NCF4: variants seen among roughly 807,000 people sequenced by gnomAD.
The protein encoded by NCF4 is neutrophil cytosol factor 4.
NCF4 carries 30 observed loss-of-function variants against 41.7 expected under a neutral mutation model. That is an observed-to-expected ratio of 0.72 (90% confidence interval 0.54 to 0.97). NCF4 has a LOEUF of 0.97. NCF4 is among the 50% of genes least tolerant of loss of function. NCF4 has a pLI of 0.00. For synonymous variants in NCF4, 195 were observed against 175.8 expected, an observed-to-expected ratio of 1.11 and a Z score of -0.87; for missense variants, 432 against 460.9, an observed-to-expected ratio of 0.94 and a Z score of 0.57.
At chr22:36,862,745 G>A (rs903724499) in intron 1 of NCF4, among the ~76,000 whole-genome samples, 7 of 152,214 alleles carry the variant, frequency 4.6e-5, no homozygotes, top group Non-Finnish European at 8.8e-5. Flanking sequence ...AGGAGAGGGC[G>A]CAGGTTCGCG....
intron 4 of NCF4, among the ~76,000 whole-genome samples, chr22:36,868,631 C>T (rs1229784043): frequency 3.3e-5 from 5 of 151,690 alleles, no homozygotes; most frequent in African/African-American, 7.3e-5. Context: ...ACCCTTCTCC[C>T]CCTGGGCTAG....
rs2145705496 is a variant in NCF4, at chr22:36,865,132, C to A, written c.271+60C>A. The A allele has an allele frequency of 1.3e-6, 2 of 1,590,586 alleles. No individual in the cohort carries two copies. The highest frequency in any genetic ancestry group is 2.2e-5 in the East Asian group (1 of 44,790). ...TGCTGACTCTCCTTCCTTCCAGGGC[C>A]CCTGACACTGTTCTGTGATTTGATC... On this transcript the variant is annotated intron_variant, in intron 3 of 9. Transcript: ENST00000248899. The surrounding 1 kb of genome is among the most constrained non-coding windows in gnomAD (Gnocchi z 4.3).
chr22:36,875,827 T>A (rs771718040), intron 8 of NCF4, 44 bp downstream of exon 8: 1 of 1,613,952 alleles, frequency 6.2e-7, no homozygotes, highest in Admixed American at 1.7e-5. Flanking sequence ...CTTCCTGCCA[T>A]CCCTACGACC....
chr22:36,861,380 C>A (rs1028912501), intron 1 of NCF4, among the ~76,000 whole-genome samples, 177 bp downstream of exon 1: 2 of 152,240 alleles, frequency 1.3e-5, no homozygotes, highest in African/African-American at 4.8e-5. Context: ...TGAGCTGTGG[C>A]TCACCACCCT....
At chr22:36,873,572 T>C (rs1305458646) in intron 7 of NCF4, among the ~76,000 whole-genome samples, 1 of 151,984 alleles carries the variant, frequency 6.6e-6, no homozygotes, top group African/African-American at 2.4e-5. Context: ...GGGAGGCAGG[T>C]GTTCGGTGGC....
chr22:36,864,324 C>A (rs1422662895), intron 2 of NCF4, among the ~76,000 whole-genome samples, 195 bp downstream of exon 2: 1 of 152,190 alleles, frequency 6.6e-6, no homozygotes, highest in Non-Finnish European at 1.5e-5. Context: ...TGGGGCAGGT[C>A]TACTCCACAT....
At chr22:36,862,459 A>T (rs1939797297) in intron 1 of NCF4, among the ~76,000 whole-genome samples, 1 of 152,132 alleles carries the variant, frequency 6.6e-6, no homozygotes, top group Admixed American at 6.5e-5. Flanking sequence ...CGCAAACTCG[A>T]ATCTTCCGGA....
At chr22:36,863,402 C>T (rs941944027) in intron 1 of NCF4, among the ~76,000 whole-genome samples, 2 of 151,560 alleles carry the variant, frequency 1.3e-5, no homozygotes, top group South Asian at 4.2e-4. Flanking sequence ...CCCAGTGCTG[C>T]GCCTATGCCT....
Position 36,867,434 on chromosome 22 carries a change from G to C in NCF4, c.314G>C (p.Arg105Pro), listed in dbSNP as rs387906808. The change falls in exon 4 of 10, where the codon CGG becomes CCG. Residue 105 changes from arginine to proline, a missense_variant. Arg to Pro is a moderately radical substitution (Grantham distance 103, BLOSUM62 -2). Coordinates refer to ENST00000248899, the MANE Select transcript of NCF4 (RefSeq NM_000631.5). ...VGVKQEIAEM[R>P]IPALNAYMKS... ...GTGAAACAGGAGATCGCCGAGATGCGGATACCTGCCCTCAACGCCTACATG... is the reference window on the plus strand; with the variant it reads ...GTGAAACAGGAGATCGCCGAGATGCCGATACCTGCCCTCAACGCCTACATG... 1 of 1,614,164 alleles carries C rather than the reference G, an allele frequency of 6.2e-7. No homozygotes were observed. The highest frequency in any genetic ancestry group is 2.2e-5 in the East Asian group (1 of 44,868).
chr22:36,867,723 C>T (rs1272560522), intron 4 of NCF4, among the ~76,000 whole-genome samples: 1 of 152,168 alleles, frequency 6.6e-6, no homozygotes, highest in East Asian at 1.9e-4. Flanking sequence ...GCTCCAAGCC[C>T]CACAGGTGAA....
intron 7 of NCF4, among the ~76,000 whole-genome samples, chr22:36,874,455 AG>A (rs1337707993): frequency 6.6e-6 from 1 of 152,182 alleles, no homozygotes; most frequent in African/African-American, 2.4e-5. Context: ...TGGTTTAGCC[AG>A]TTTAGCAGTT....
intron 1 of NCF4, among the ~76,000 whole-genome samples, chr22:36,863,510 G>A (rs1052204091): frequency 1.5e-4 from 8 of 54,264 alleles, no homozygotes; most frequent in Admixed American, 2.1e-4. Flanking sequence ...AAGGCACCTC[G>A]TGAGCGGGCC....
At chr22:36,873,942 G>C (rs890862480) in intron 7 of NCF4, among the ~76,000 whole-genome samples, 1 of 152,216 alleles carries the variant, frequency 6.6e-6, no homozygotes, top group African/African-American at 2.4e-5. Flanking sequence ...TGAACTCAGA[G>C]TCAGCCTGTT....
intron 7 of NCF4, 108 bp from the exon 8 acceptor site, chr22:36,875,545 C>T (rs527873799): frequency 1.4e-4 from 141 of 1,008,122 alleles, no homozygotes; most frequent in South Asian, 8.8e-4. Context: ...GAAGAAGACC[C>T]GGACCTCATC....
In NCF4 at chr22:36,872,329, T is replaced by G. The variant is rs1940077520; in HGVS notation, c.531T>G (p.Ala177=). 1.2e-6 allele frequency: 2 copies of G among 1,601,528 alleles called. No homozygotes were observed. Among genetic ancestry groups the G allele is most frequent in the Admixed American group, 3.3e-5 (2 of 59,994 alleles). ...CCTTACTGCACGCTTCTCCTCAGGC[T>G]CTATTTGACTTCACTGGAAACAGCA... The part of the protein sequence containing the change: ...VDRMAAPRAE[A]LFDFTGNSKL... Residue 177 remains alanine, a splice_region_variant and synonymous_variant, in exon 7 of 10, where the codon GCT becomes GCG. Transcript: ENST00000248899.
intron 5 of NCF4, among the ~76,000 whole-genome samples, chr22:36,870,876 C>T (rs550582855): frequency 1.4e-4 from 21 of 152,320 alleles, no homozygotes; most frequent in African/African-American, 5.1e-4. Flanking sequence ...AAAGCTGCCC[C>T]ATCCACAAAC....
intron 3 of NCF4, 34 bp from the exon 4 acceptor site, chr22:36,867,358 C>T (rs1569112064): frequency 6.2e-7 from 1 of 1,613,420 alleles, no homozygotes; most frequent in Non-Finnish European, 8.5e-7. Flanking sequence ...CATGTTGGGC[C>T]AGGCTCCTAG....
rs757314998 is a variant in NCF4, at chr22:36,864,117, C to T, written c.105C>T (p.Phe35=). The change falls in exon 2 of 10, where the codon TTC becomes TTT. Residue 35 remains phenylalanine (F), a synonymous_variant. Transcript: ENST00000248899. ...NIADIEEKRG[F]TSHFVFVIEV... is the part of the protein sequence containing the mutation. ...CTGACATCGAGGAGAAGAGAGGCTT[C>T]ACCAGCCACTTTGTAAGACAGACTC... 6.2e-7 allele frequency: 1 copy of T among 1,613,312 alleles called. No homozygotes were observed. Among genetic ancestry groups the T allele is most frequent in the Non-Finnish European group, 8.5e-7 (1 of 1,179,256 alleles).
chr22:36,872,906 G>A (rs551513188), intron 7 of NCF4, among the ~76,000 whole-genome samples: 31 of 149,958 alleles, frequency 2.1e-4, no homozygotes, highest in African/African-American at 7.2e-4. Flanking sequence ...GAGATTGGAG[G>A]TGAGGGTGGA....
Sources: gnomAD v4.1 joint callset for allele counts (sites outside exome capture counted in the v4.1 genomes callset) on GRCh38, gnomAD v4.1.1 for gene constraint, Gnocchi (gnomAD v3.1) non-coding constraint, MANE v1.5 for transcripts, NCBI Gene and HGNC (gene_info 2026-07-23, HGNC 2026-07-21) for gene names.